Variants in ASIC2 observed in about 807,000 individuals in gnomAD.
ASIC2 encodes acid-sensing ion channel 2.
A neutral mutation model predicts 57.3 loss-of-function variants in ASIC2; 25 were observed. The observed-to-expected ratio is 0.44, with a 90% CI of 0.32 to 0.61. ASIC2 has a LOEUF of 0.61. ASIC2 is among the 20% of genes least tolerant of loss of function. The probability of loss-of-function intolerance (pLI) is 0.06; values close to 1 mark genes in which losing one functional copy is unlikely to be tolerated. For missense variants in ASIC2, 641 were observed against 738.1 expected, an observed-to-expected ratio of 0.87 and a Z score of 1.52; for synonymous variants, 319 against 307.5, an observed-to-expected ratio of 1.04 and a Z score of -0.39.
At chr17:34,067,391 GA>G (rs1909211629) in intron 1 of ASIC2, among the ~76,000 whole-genome samples, 1 of 152,240 alleles carries the variant, frequency 6.6e-6, no homozygotes, top group South Asian at 2.1e-4. Context: ...TTTAAAAATG[GA>G]ATTTTTTTGA....
chr17:33,464,526 T>TTCTCTC (rs1244772935), intron 1 of ASIC2, among the ~76,000 whole-genome samples: 5 of 39,166 alleles, frequency 1.3e-4, no homozygotes, highest in East Asian at 5.1e-4. Context: ...CTTTCTTTCT[T>TTCTCTC]TCTTTCTTTC....
chr17:33,700,075 T>C (rs1416182495), intron 1 of ASIC2, among the ~76,000 whole-genome samples: 1 of 152,138 alleles, frequency 6.6e-6, no homozygotes, highest in Non-Finnish European at 1.5e-5. Context: ...CTCAACTAGC[T>C]TGAATTTTTA....
Position 33,095,877 on chromosome 17 carries a change from C to T in ASIC2, c.860-6887G>A, listed in dbSNP as rs371398983. Among the ~76,000 whole-genome samples the T allele has an allele frequency of 4.6e-5, 7 of 152,350 alleles. No homozygotes were observed. In the South Asian group the frequency reaches 1.0e-3, roughly 23 times the overall value. The stretch of plus-strand genomic sequence containing the variant: ...GTTCATTAAGGCCCATCCTTTGGGC[C>T]TCACTGCTACCTATGATCAGACAAA... On this transcript the variant is annotated intron_variant, in intron 2 of 9. Transcript: ENST00000225823.
chr17:33,823,113 T>G (rs2141894354), intron 1 of ASIC2, among the ~76,000 whole-genome samples: 1 of 152,316 alleles, frequency 6.6e-6, no homozygotes, highest in African/African-American at 2.4e-5. Context: ...CTATAGACAT[T>G]TATCCTTTAT....
intron 3 of ASIC2, among the ~76,000 whole-genome samples, chr17:33,072,750 C>G (rs1209248749): frequency 1.3e-5 from 2 of 152,192 alleles, no homozygotes; most frequent in African/African-American, 4.8e-5. Flanking sequence ...GACCTCTGTC[C>G]TAGACTCTAG....
chr17:33,914,623 T>C, intron 1 of ASIC2, among the ~76,000 whole-genome samples: 1 of 152,026 alleles, frequency 6.6e-6, no homozygotes, highest in Non-Finnish European at 1.5e-5. Flanking sequence ...GGATGTGGGG[T>C]GGCACATAAA....
chr17:33,295,087 CT>C (rs565236062), upstream of ASIC2, among the ~76,000 whole-genome samples: 12 of 152,330 alleles, frequency 7.9e-5, no homozygotes, highest in African/African-American at 2.9e-4. Flanking sequence ...GCATGAAGCT[CT>C]ATTTTATAAA....
intron 1 of ASIC2, among the ~76,000 whole-genome samples, chr17:33,118,267 C>G (rs1052067309): frequency 1.5e-4 from 23 of 152,222 alleles, no homozygotes; most frequent in Non-Finnish European, 7.3e-5. Flanking sequence ...AAATCACAGG[C>G]TGGCTTTGCT....
chr17:33,489,431 G>A (rs572601147), intron 1 of ASIC2, among the ~76,000 whole-genome samples: 5 of 152,276 alleles, frequency 3.3e-5, no homozygotes, highest in South Asian at 4.2e-4. Context: ...GCCAGTGCTC[G>A]CAGCCAGAAT....
chr17:33,978,604 C>T (rs1471361154), intron 1 of ASIC2, among the ~76,000 whole-genome samples: 3 of 152,156 alleles, frequency 2.0e-5, no homozygotes, highest in Non-Finnish European at 4.4e-5. Context: ...CAGGGCAAGC[C>T]CTATTTCATA....
rs558585722 is a variant in ASIC2, at chr17:33,663,741, G to T, written c.555+492237C>A. ...TAAAACAAGGGAAAGACTTGCCAAC[G>T]GATAGCAGGTTTGAGTTTTTATCAG... On this transcript the variant is annotated intron_variant, in intron 1 of 9. Transcript: ENST00000359872. Among the ~76,000 whole-genome samples the T allele has an allele frequency of 4.1e-4, 63 of 152,236 alleles. No individual in the cohort carries two copies. In the Middle Eastern group the frequency reaches 0.01, roughly 25 times the overall value.
intron 1 of ASIC2, among the ~76,000 whole-genome samples, chr17:33,939,060 C>T (rs1916129689): frequency 1.3e-5 from 2 of 152,254 alleles, no homozygotes; most frequent in Admixed American, 1.3e-4. Context: ...CCTTTGAAGG[C>T]TTACTTTTCA....
intron 1 of ASIC2, among the ~76,000 whole-genome samples, chr17:33,623,790 A>G (rs572158108): frequency 5.3e-5 from 8 of 150,768 alleles, no homozygotes; most frequent in Non-Finnish European, 1.0e-4. Flanking sequence ...CTTTTTCTCT[A>G]CTCCAGGTAG....
intron 1 of ASIC2, among the ~76,000 whole-genome samples, chr17:34,115,469 A>G (rs1377654023): frequency 6.6e-6 from 1 of 152,210 alleles, no homozygotes; most frequent in Non-Finnish European, 1.5e-5. Context: ...CATTTCATAT[A>G]GACCTTAGTG....
At chr17:33,041,757 T>G (rs11871864) in intron 3 of ASIC2, among the ~76,000 whole-genome samples, 13,829 of 152,200 alleles carry the variant, frequency 0.091, 1,332 homozygotes, top group African/African-American at 0.25. Flanking sequence ...TACAATGAGG[T>G]GGGCTTAGCA....
At chr17:33,105,949 AG>A (rs1468183452) in intron 2 of ASIC2, among the ~76,000 whole-genome samples, 2 of 152,236 alleles carry the variant, frequency 1.3e-5, no homozygotes, top group Non-Finnish European at 2.9e-5. Context: ...ATTTCTAAGC[AG>A]CAAAGCATTC....
intron 1 of ASIC2, among the ~76,000 whole-genome samples, chr17:33,999,166 A>G (rs1432755321): frequency 6.6e-6 from 1 of 152,160 alleles, no homozygotes; most frequent in East Asian, 1.9e-4. Context: ...TTTGTCCGAT[A>G]TAAGCAGAGC....
chr17:33,078,778 C>T (rs2092099975), intron 3 of ASIC2, among the ~76,000 whole-genome samples: 1 of 152,242 alleles, frequency 6.6e-6, no homozygotes, highest in South Asian at 2.1e-4. Context: ...GGCTACCTCT[C>T]CTGCTGGCCT....
chr17:33,507,018 C>A (rs1441542286), intron 1 of ASIC2, among the ~76,000 whole-genome samples: 1 of 152,158 alleles, frequency 6.6e-6, no homozygotes, highest in African/African-American at 2.4e-5. Context: ...TCATTAGGAA[C>A]TCTTCCTGTA....
Sources: gnomAD v4.1 joint callset for allele counts (sites outside exome capture counted in the v4.1 genomes callset) on GRCh38, gnomAD v4.1.1 for gene constraint, MANE v1.5 for transcripts, NCBI Gene and HGNC (gene_info 2026-07-23, HGNC 2026-07-21) for gene names.